The following COBLL1 variants were observed in gnomAD, a reference collection of about 807,000 sequenced individuals.
COBLL1 encodes the protein cordon-bleu protein-like 1.
A neutral mutation model predicts 94.8 loss-of-function variants in COBLL1; 50 were observed. The observed-to-expected ratio is 0.53, with a 90% CI of 0.42 to 0.67. The LOEUF (loss-of-function observed/expected upper bound fraction) is 0.67. Ranked by LOEUF, COBLL1 falls within the 30% of genes least tolerant of loss-of-function variation. The pLI, the probability that COBLL1 is intolerant of heterozygous loss-of-function variation, is 0.00. For missense variants in COBLL1, 1,362 were observed against 1,348.7 expected (o/e 1.01, Z -0.15); for synonymous variants, 448 against 473.8 (o/e 0.95, Z 0.71).
chr2:164,801,600 A>C (rs1308286063), intron 2 of COBLL1, among the ~76,000 whole-genome samples: 1 of 152,116 alleles, frequency 6.6e-6, no homozygotes, highest in Non-Finnish European at 1.5e-5. Context: ...CCTGAGAGAA[A>C]GAGCAAGAGC....
At chr2:164,678,070 A>G (rs963549982), downstream of COBLL1, among the ~76,000 whole-genome samples, 2 of 152,174 alleles carry the variant, frequency 1.3e-5, no homozygotes, top group Non-Finnish European at 2.9e-5. Flanking sequence ...ACTCTTCTGT[A>G]AAATTTCCAG....
At chr2:164,760,584 T>C (rs895678472) in intron 2 of COBLL1, among the ~76,000 whole-genome samples, 1 of 152,216 alleles carries the variant, frequency 6.6e-6, no homozygotes, top group Non-Finnish European at 1.5e-5. Context: ...ATAAGGTCTG[T>C]ACCTGTGTTA....
At chr2:164,703,170 G>T in intron 9 of COBLL1, 1 of 1,613,970 alleles carries the variant, frequency 6.2e-7, no homozygotes, top group South Asian at 1.1e-5. Flanking sequence ...TCCTCCATCA[G>T]TTTGGGCGCA....
At chr2:164,687,235 A>C in intron 13 of COBLL1, 2 of 357,642 alleles carry the variant, frequency 5.6e-6, no homozygotes, top group Non-Finnish European at 4.9e-6. Flanking sequence ...TTTGGAGAGG[A>C]AGTAGAATTT....
chr2:164,819,816 TTTTG>T (rs942475322), intron 2 of COBLL1, among the ~76,000 whole-genome samples: 1 of 150,810 alleles, frequency 6.6e-6, no homozygotes, highest in Non-Finnish European at 1.5e-5. Flanking sequence ...TTTTTTTTTG[TTTTG>T]TTTTTGTTTG....
At chr2:164,689,805 TG>T (rs1683498717) in intron 13 of COBLL1, among the ~76,000 whole-genome samples, 1 of 152,196 alleles carries the variant, frequency 6.6e-6, no homozygotes, top group Admixed American at 6.5e-5. Context: ...TTAAATTGTG[TG>T]CATGGCCTAC....
At chr2:164,784,636 TA>T (rs1688864447) in intron 2 of COBLL1, among the ~76,000 whole-genome samples, 2 of 152,096 alleles carry the variant, frequency 1.3e-5, no homozygotes. Context: ...TCTGTTTGCA[TA>T]ATCTGCTTCC....
At chr2:164,802,585 G>A (rs1283426932) in intron 2 of COBLL1, among the ~76,000 whole-genome samples, 2 of 152,158 alleles carry the variant, frequency 1.3e-5, no homozygotes, top group Non-Finnish European at 2.9e-5. Context: ...AGACAGTGTT[G>A]ACTTTCCAAA....
At chr2:164,743,001 T>C (rs1462940673) in intron 3 of COBLL1, among the ~76,000 whole-genome samples, 3 of 152,156 alleles carry the variant, frequency 2.0e-5, no homozygotes, top group African/African-American at 2.4e-5. Context: ...CAAAGTGAAA[T>C]GGAAAATTAC....
At chr2:164,756,090 G>GCA (rs1553474969) in intron 2 of COBLL1, among the ~76,000 whole-genome samples, 1 of 149,102 alleles carries the variant, frequency 6.7e-6, no homozygotes, top group African/African-American at 2.5e-5. Flanking sequence ...AGGGAGGGAG[G>GCA]GAGAGAGAGA....
intron 2 of COBLL1, among the ~76,000 whole-genome samples, chr2:164,828,174 GTCTCCA>G (rs939480970): frequency 6.6e-6 from 1 of 152,134 alleles, no homozygotes; most frequent in Non-Finnish European, 1.5e-5. Context: ...CAAGTAATTT[GTCTCCA>G]TCTCCAACAC....
At position 164,672,647 on chromosome 2, in the gene COBLL1, C is replaced by T. The variant is rs564539499; in HGVS notation, n.127-6746G>A. ...CCGGGAAGCGGAGCTTGCAGTGAGC[C>T]GAGATTGCGCCACTGCAGTCCGCAG... On this transcript the variant is annotated intron_variant and non_coding_transcript_variant, in intron 1 of 2. Transcript: ENST00000495084. Among the ~76,000 whole-genome samples, 623 of 137,290 alleles carry T rather than the reference C, an allele frequency of 4.5e-3. 3 individuals carry two copies. The highest frequency in any genetic ancestry group is 0.022 in the Middle Eastern group (5 of 230). The allele number at this position is 137,290 out of a possible 152,430, so 90.1% of individuals were successfully genotyped here.
chr2:164,780,772 G>A (rs1172922207), intron 2 of COBLL1, among the ~76,000 whole-genome samples: 3 of 152,088 alleles, frequency 2.0e-5, no homozygotes, highest in Admixed American at 6.6e-5. Flanking sequence ...AGTATCTGCC[G>A]GGCTAAGTGG....
At chr2:164,761,668 TAAAC>T (rs1454721840) in intron 2 of COBLL1, among the ~76,000 whole-genome samples, 6 of 152,164 alleles carry the variant, frequency 3.9e-5, no homozygotes, top group Non-Finnish European at 5.9e-5. Context: ...TGGCAAATCA[TAAAC>T]AAAAATAAGC....
intron 1 of COBLL1, among the ~76,000 whole-genome samples, chr2:164,668,404 C>A (rs768755097): frequency 6.6e-6 from 1 of 152,172 alleles, no homozygotes; most frequent in Non-Finnish European, 1.5e-5. Flanking sequence ...CAATATGTTG[C>A]GTCTCAGGAA....
chr2:164,799,767 T>C (rs1054081543), intron 2 of COBLL1, among the ~76,000 whole-genome samples: 5 of 152,100 alleles, frequency 3.3e-5, no homozygotes, highest in South Asian at 4.1e-4. Context: ...TGGAACAAAA[T>C]AGACAATCTA....
At chr2:164,790,491 C>T (rs1189267903) in intron 2 of COBLL1, among the ~76,000 whole-genome samples, 1 of 152,086 alleles carries the variant, frequency 6.6e-6, no homozygotes, top group Non-Finnish European at 1.5e-5. Context: ...TTTGGTGATG[C>T]TTTTGTGACC....
chr2:164,680,016 C>T (rs1349214675), downstream of COBLL1, among the ~76,000 whole-genome samples: 1 of 151,742 alleles, frequency 6.6e-6, no homozygotes, highest in Non-Finnish European at 1.5e-5. Flanking sequence ...TAAAACTGAA[C>T]CATAACACCC....
In COBLL1 at chr2:164,763,681, T is replaced by C. The variant is rs563998621; in HGVS notation, c.42-19806A>G. ...AGATCGCACACATTCATGACTGGAA[T>C]ATATTATCAAATGACATAAAGAAAA... is the stretch of plus-strand genomic sequence containing the variant. On this transcript the variant is annotated intron_variant, in intron 2 of 13. Transcript: ENST00000652658. Among the ~76,000 whole-genome samples, 254 of 152,316 alleles carry C rather than the reference T, an allele frequency of 1.7e-3. 2 individuals are homozygous for C. The highest frequency in any genetic ancestry group is 2.5e-3 in the Non-Finnish European group (167 of 68,024).
Sources: gnomAD v4.1 joint callset for allele counts (sites outside exome capture counted in the v4.1 genomes callset) on GRCh38, gnomAD v4.1.1 for gene constraint, MANE v1.5 for transcripts, NCBI Gene and HGNC (gene_info 2026-07-23, HGNC 2026-07-21) for gene names.